FAAH2: variants seen among roughly 807,000 people sequenced by gnomAD.
FAAH2 encodes fatty-acid amide hydrolase 2.
In FAAH2, 60 loss-of-function variants were observed where a neutral mutation model predicts 36.9. The ratio of observed to expected loss-of-function variants is 1.63; its 90% CI spans 1.32 to 2.02. The LOEUF is 2.02. Among genes scored for constraint, FAAH2 ranks in the 30% most tolerant of loss-of-function variants. The probability of loss-of-function intolerance (pLI) is 0.00; values close to 1 mark genes in which losing one functional copy is unlikely to be tolerated. For missense variants in FAAH2, 689 were observed against 397.5 expected (o/e 1.73, Z -6.23); for synonymous variants, 214 against 143.8 (o/e 1.49, Z -3.49).
At chrX:57,233,740 A>C in the FAAH2 span, among the ~76,000 whole-genome samples, 9 of 112,830 alleles carry the variant, frequency 8.0e-5, no homozygotes, top group Non-Finnish European at 1.3e-4. Context: ...CCTGGACTCA[A>C]GTGATTCTCA....
At chrX:57,265,030 C>T in the FAAH2 span, among the ~76,000 whole-genome samples, 8 of 111,639 alleles carry the variant, frequency 7.2e-5, no homozygotes, top group African/African-American at 2.6e-4. Context: ...GCCAAGGGAA[C>T]CTCTCTCACC....
chrX:57,203,373 G>T, the FAAH2 span, among the ~76,000 whole-genome samples: 3 of 112,050 alleles, frequency 2.7e-5, no homozygotes, highest in East Asian at 8.4e-4. Flanking sequence ...TCTGCCCTGG[G>T]TGGGCCAGGT....
rs755378688 is a variant in FAAH2, at chrX:57,286,950, G to T, written c.125G>T (p.Arg42Leu). 4 of 1,203,222 alleles carry T rather than the reference G, an allele frequency of 3.3e-6. No individual in the cohort carries two copies. The highest frequency in any genetic ancestry group is 1.8e-5 in the South Asian group (1 of 55,392). Residue 42 changes from arginine to leucine, a missense_variant, in exon 1 of 11, where the codon CGG becomes CTG. Physicochemically the swap from Arg to Leu is moderately radical, Grantham distance 102. Coordinates refer to ENST00000374900, the MANE Select transcript of FAAH2 (RefSeq NM_174912.4). ...CCAAAGTTTGCCTCAAAGACCCCTCGGCCGGTGACTGAACCATTGCTTCTG... is the reference window on the plus strand; with the variant it reads ...CCAAAGTTTGCCTCAAAGACCCCTCTGCCGGTGACTGAACCATTGCTTCTG... ...GGPKFASKTP[R>L]PVTEPLLLLS...
intron 6 of FAAH2, 102 bp from the exon 7 acceptor site, chrX:57,380,810 G>GA (rs951480944): frequency 6.4e-5 from 32 of 496,567 alleles, no homozygotes; most frequent in Admixed American, 4.7e-4. Flanking sequence ...AGTGCTCAGG[G>GA]AAAAAAATAC....
the FAAH2 span, among the ~76,000 whole-genome samples, chrX:57,216,544 G>A: frequency 2.1e-3 from 54 of 26,215 alleles, 3 homozygotes; most frequent in South Asian, 9.0e-3. Context: ...ATATATATAC[G>A]TATATGTATA....
the FAAH2 span, among the ~76,000 whole-genome samples, chrX:57,130,444 T>C: frequency 2.7e-5 from 3 of 112,283 alleles, no homozygotes; most frequent in African/African-American, 9.7e-5. Flanking sequence ...GTTATGTGCT[T>C]ACTACTGTTG....
chrX:57,242,886 G>A, the FAAH2 span, among the ~76,000 whole-genome samples: 1 of 111,837 alleles, frequency 8.9e-6, no homozygotes, highest in Admixed American at 9.5e-5. Context: ...ACCTAGTGAC[G>A]CCTGGAATGC....
intron 10 of FAAH2, among the ~76,000 whole-genome samples, chrX:57,486,481 C>A (rs1454414530): frequency 9.0e-6 from 1 of 111,647 alleles, no homozygotes; most frequent in Non-Finnish European, 1.9e-5. Flanking sequence ...GCAGGGCAGT[C>A]CTGTTGGCTG....
At chrX:57,358,887 T>C (rs1485321736) in intron 5 of FAAH2, among the ~76,000 whole-genome samples, 2 of 111,081 alleles carry the variant, frequency 1.8e-5, no homozygotes, top group Admixed American at 9.6e-5. Flanking sequence ...CACTTGTGAG[T>C]TATTTTTTAT....
chrX:57,271,247 G>T, the FAAH2 span, among the ~76,000 whole-genome samples: 1 of 112,807 alleles, frequency 8.9e-6, no homozygotes, highest in Non-Finnish European at 1.9e-5. Context: ...GCCCACTGTA[G>T]CTCAGCAAGG....
At chrX:57,304,160 T>C (rs1253154674) in intron 2 of FAAH2, among the ~76,000 whole-genome samples, 1 of 111,629 alleles carries the variant, frequency 9.0e-6, no homozygotes, top group Non-Finnish European at 1.9e-5. Flanking sequence ...TGAGCTGAGA[T>C]CTTGCCACTG....
chrX:57,323,412 G>C (rs1018755163), intron 3 of FAAH2, among the ~76,000 whole-genome samples: 2 of 111,563 alleles, frequency 1.8e-5, no homozygotes, highest in Non-Finnish European at 3.8e-5. Context: ...TCACCACACG[G>C]ACTTCCACAA....
At chrX:57,337,182 C>G (rs1324139170) in intron 4 of FAAH2, among the ~76,000 whole-genome samples, 1 of 103,782 alleles carries the variant, frequency 9.6e-6, no homozygotes, top group African/African-American at 3.6e-5. Flanking sequence ...TACACTTTCC[C>G]AAGACCGAAC....
chrX:57,305,134 A>G (rs2052485751), intron 2 of FAAH2, among the ~76,000 whole-genome samples: 1 of 110,323 alleles, frequency 9.1e-6, no homozygotes, highest in Admixed American at 9.8e-5. Flanking sequence ...TTGGTCTTCT[A>G]TGACTTCAAA....
chrX:57,330,190 C>G (rs1329597388), intron 3 of FAAH2, among the ~76,000 whole-genome samples: 1 of 111,977 alleles, frequency 8.9e-6, no homozygotes, highest in African/African-American at 3.3e-5. Context: ...TCATATTTCT[C>G]TTCTTTCAAA....
At chrX:57,361,332 G>A (rs1472952811) in intron 5 of FAAH2, among the ~76,000 whole-genome samples, 1 of 110,379 alleles carries the variant, frequency 9.1e-6, no homozygotes, top group Admixed American at 9.7e-5. Context: ...ATTAATTTAA[G>A]GTTTGGCATG....
intron 4 of FAAH2, among the ~76,000 whole-genome samples, chrX:57,340,843 G>T (rs1407147081): frequency 7.2e-5 from 8 of 111,203 alleles, no homozygotes; most frequent in African/African-American, 2.6e-4. Context: ...GCTAATGGCT[G>T]CTGGGCTTAA....
chrX:57,124,119 G>C, the FAAH2 span, among the ~76,000 whole-genome samples: 1 of 111,301 alleles, frequency 9.0e-6, no homozygotes, highest in African/African-American at 3.3e-5. Flanking sequence ...TTTTCTTCTA[G>C]GGTTTTTATG....
chrX:57,275,558 A>G, the FAAH2 span, among the ~76,000 whole-genome samples: 533 of 112,643 alleles, frequency 4.7e-3, 3 homozygotes, highest in African/African-American at 0.016. Flanking sequence ...CGAGAGGATC[A>G]AATTCACACA....
Sources: allele counts gnomAD v4.1 joint callset (sites outside exome capture counted in the v4.1 genomes callset), GRCh38; gene constraint gnomAD v4.1.1; transcripts MANE v1.5; gene names NCBI Gene and HGNC (gene_info 2026-07-23, HGNC 2026-07-21).